SCN9A: variants seen among roughly 807,000 people sequenced by gnomAD.
SCN9A encodes the protein sodium voltage-gated channel alpha subunit 9, also known as sodium channel protein type 9 subunit alpha.
Under a neutral mutation model 187.0 loss-of-function variants are expected in SCN9A, and 131 were observed. That is an observed-to-expected ratio of 0.70 (90% CI 0.61 to 0.81). The LOEUF (loss-of-function observed/expected upper bound fraction) is 0.81. Ranked by LOEUF, SCN9A falls within the 30% of genes least tolerant of loss-of-function variation. The pLI is 0.00. For missense variants in SCN9A, 2,252 were observed against 2,396.6 expected, an observed-to-expected ratio of 0.94 and a Z score of 1.26; for synonymous variants, 809 against 808.6, an observed-to-expected ratio of 1.00 and a Z score of -0.01.
At chr2:166,305,006 A>T (rs938298108) in intron 5 of SCN9A, among the ~76,000 whole-genome samples, 21 of 152,098 alleles carry the variant, frequency 1.4e-4, no homozygotes, top group Non-Finnish European at 2.8e-4. Context: ...TAGCAGATGG[A>T]ACTGCCCCAT....
intron 1 of SCN9A, among the ~76,000 whole-genome samples, chr2:166,325,185 C>T (rs1428565835): frequency 3.3e-5 from 5 of 151,940 alleles, no homozygotes; most frequent in Admixed American, 3.3e-4. Flanking sequence ...AATAATAGCT[C>T]AGTGAATTTG....
rs529022680 is a variant in SCN9A, at chr2:166,277,228, C to A, written c.2629G>T (p.Val877Phe). 1 of 1,614,024 alleles carries A rather than the reference C, an allele frequency of 6.2e-7. No individual in the cohort carries two copies. Among genetic ancestry groups the A allele is most frequent in the South Asian group, 1.1e-5 (1 of 91,086 alleles). The change falls in exon 16 of 27, where the codon GTC (valine) becomes TTC (phenylalanine). Residue 877 changes from valine (V) to phenylalanine (F), a missense_variant. This residue lies in a region of SCN9A where 119 missense variants were observed against 188.7 expected (regional missense o/e 0.63). Coordinates refer to ENST00000642356, the MANE Select transcript of SCN9A (RefSeq NM_001365536.1). ...ATGCCGACCACAGCAAAAATGAAGA[C>A]GATGATGGCCAACACTAAGGTGAGG... Reference protein sequence around the residue: ...GNLTLVLAIIVFIFAVVGMQL... With the variant: ...GNLTLVLAIIFFIFAVVGMQL...
chr2:166,352,132 A>G (rs1319018921), intron 1 of SCN9A, among the ~76,000 whole-genome samples: 1 of 152,274 alleles, frequency 6.6e-6, no homozygotes, highest in East Asian at 1.9e-4. Context: ...TAAAGTTGGT[A>G]TATTGGTAAG....
chr2:166,309,390 A>C (rs527824027), intron 2 of SCN9A, among the ~76,000 whole-genome samples: 1 of 152,312 alleles, frequency 6.6e-6, no homozygotes, highest in South Asian at 2.1e-4. Context: ...AAAAATAGGT[A>C]TGATTATAAA....
intron 25 of SCN9A, 37 bp downstream of exon 25, chr2:166,204,323 G>T (rs1693687327): frequency 1.9e-6 from 3 of 1,564,690 alleles, no homozygotes; most frequent in Non-Finnish European, 2.6e-6. Context: ...GAAATAATTT[G>T]AAAATCTATA....
rs374594002 is a variant in SCN9A at position 166,305,806 on chromosome 2, G to T, written c.582C>A (p.Val194=). ...AAAGTACTTACGCAAAAACAATGAC[G>T]ACAAAATCCAGCCAGTTCCACGGGT... ...LRDPWNWLDF[V]VIVFAYLTEF... is the part of the protein sequence containing the mutation. Residue 194 remains valine, a synonymous_variant, in exon 5 of 27, where the codon GTC becomes GTA. Transcript: ENST00000642356. The T allele has an allele frequency of 6.2e-7, 1 of 1,612,946 alleles. No homozygotes were observed. Among genetic ancestry groups the T allele is most frequent in the Admixed American group, 1.7e-5 (1 of 59,880 alleles).
intron 1 of SCN9A, among the ~76,000 whole-genome samples, chr2:166,348,815 A>C (rs1347570800): frequency 3.3e-5 from 5 of 152,076 alleles, no homozygotes; most frequent in African/African-American, 1.2e-4. Flanking sequence ...TTAAACCTAC[A>C]ACTACTTTTC....
intron 13 of SCN9A, among the ~76,000 whole-genome samples, chr2:166,281,232 G>T (rs1306528429): frequency 2.0e-5 from 3 of 152,094 alleles, no homozygotes; most frequent in Non-Finnish European, 2.9e-5. Flanking sequence ...GTAGAAGCCA[G>T]CACAGTTTGT....
At position 166,373,690 on chromosome 2, in the gene SCN9A, A is replaced by G. The variant is rs958227368; in HGVS notation, c.-51+2007T>C. ...TATTCAGATAATGAAGATGGGAGGA[A>G]AGAATCTGAGACAGAGTTTTAGGGA... On this transcript the variant is annotated intron_variant, in intron 1 of 26. Transcript: ENST00000642356. 2.0e-5 allele frequency among the ~76,000 whole-genome samples: 3 copies of G among 152,120 alleles called. 1 individual carries two copies. The highest frequency in any genetic ancestry group is 7.2e-5 in the African/African-American group (3 of 41,440).
chr2:166,303,218 A>C lies in SCN9A; in HGVS notation c.773T>G (p.Val258Gly), dbSNP rs757286231. 5 of 1,613,638 alleles carry C rather than the reference A, an allele frequency of 3.1e-6. No individual in the cohort carries two copies. The highest frequency in any genetic ancestry group is 1.3e-5 in the African/African-American group (1 of 74,904). Residue 258 changes from valine to glycine, a missense_variant, in exon 7 of 27, where the codon GTG becomes GGG. By Grantham distance (109) the Val-to-Gly change is moderately radical. Around this residue, in one of 7 missense-constraint regions of SCN9A, gnomAD observed 1,013 missense variants for 997.4 expected, o/e 1.02. Transcript: ENST00000642356. ...CAGCTGTAGTCCAATTAGTGCAAAC[A>C]CACTCAGACAGAACACAGTCAGGAT... is the stretch of plus-strand genomic sequence containing the variant. ...VMILTVFCLS[V>G]FALIGLQLFM...
intron 1 of SCN9A, among the ~76,000 whole-genome samples, chr2:166,331,995 T>C (rs1699515850): frequency 1.3e-5 from 2 of 152,284 alleles, no homozygotes; most frequent in South Asian, 4.1e-4. Context: ...TTCAGAGCCT[T>C]GACACCTGCC....
chr2:166,210,451 A>AAAGT (rs1213656685), intron 24 of SCN9A, among the ~76,000 whole-genome samples: 5 of 151,628 alleles, frequency 3.3e-5, no homozygotes, highest in African/African-American at 1.2e-4. Context: ...CCTAAAACTT[A>AAAGT]AAGTATAATA....
intron 19 of SCN9A, among the ~76,000 whole-genome samples, chr2:166,239,451 T>TA (rs1695470969): frequency 6.6e-6 from 1 of 152,166 alleles, no homozygotes; most frequent in Non-Finnish European, 1.5e-5. Flanking sequence ...CTGCTTTCAA[T>TA]ACTCTAAAAT....
At chr2:166,343,620 C>T (rs1019671826) in intron 1 of SCN9A, among the ~76,000 whole-genome samples, 4 of 151,884 alleles carry the variant, frequency 2.6e-5, no homozygotes, top group African/African-American at 9.7e-5. Context: ...AGTGGAAGGC[C>T]AGGTGTGATG....
In SCN9A at chr2:166,280,515, A is replaced by G. The variant is rs749350764; in HGVS notation, c.2185T>C (p.Tyr729His). 2.5e-6 allele frequency: 4 copies of G among 1,590,462 alleles called. No homozygotes were observed. In the East Asian group the frequency reaches 6.8e-5, roughly 27 times the overall value. The part of the protein sequence containing the change: ...HKFLIWNCSP[Y>H]WIKFKKCIYF... ...ATACACTTTTTGAATTTTATCCAAT[A>G]TGGAGAGCAATTCCAGATCAAGAAT... The change falls in exon 14 of 27, where the codon TAT becomes CAT. Residue 729 changes from tyrosine (Y) to histidine (H), a missense_variant. Physicochemically the swap from Tyr to His is moderately conservative, Grantham distance 83 (BLOSUM62 2). This residue lies in a region of SCN9A where 1,013 missense variants were observed against 997.4 expected (regional missense o/e 1.02). Coordinates refer to ENST00000642356, the MANE Select transcript of SCN9A (RefSeq NM_001365536.1).
intron 1 of SCN9A, among the ~76,000 whole-genome samples, chr2:166,359,933 G>GA (rs1164545151): frequency 6.6e-6 from 1 of 151,490 alleles, no homozygotes; most frequent in African/African-American, 2.4e-5. Context: ...TATAAGAAAT[G>GA]AAAGTTTGCC....
intron 9 of SCN9A, among the ~76,000 whole-genome samples, chr2:166,289,427 T>G (rs1697938079): frequency 6.6e-6 from 1 of 151,998 alleles, no homozygotes; most frequent in Non-Finnish European, 1.5e-5. Context: ...AGTGAGAACA[T>G]GCGTTGTTTG....
intron 24 of SCN9A, among the ~76,000 whole-genome samples, chr2:166,205,992 A>G (rs1227270956): frequency 1.3e-5 from 2 of 152,216 alleles, no homozygotes; most frequent in Non-Finnish European, 2.9e-5. Flanking sequence ...TAGAATGGCA[A>G]TCACTAAAAA....
Position 166,198,745 on chromosome 2 carries a change from T to C in SCN9A, c.5894A>G (p.Asp1965Gly). The C allele has an allele frequency of 1.2e-6, 2 of 1,613,574 alleles. No homozygotes were observed. The highest frequency in any genetic ancestry group is 8.5e-7 in the Non-Finnish European group (1 of 1,179,664). Reference protein sequence around the residue: ...PPSYDSVTKPDKEKYEQDRTE... With the variant: ...PPSYDSVTKPGKEKYEQDRTE... ...TCTGTCTTGTTCATATTTCTCTTTG[T>C]CTGGCTTTGTTACACTATCATATGA... The change falls in exon 27 of 27, where the codon GAC becomes GGC. Residue 1965 changes from aspartate (D) to glycine (G), a missense_variant. Asp to Gly is a moderately conservative substitution (Grantham distance 94). Transcript: ENST00000642356.
Sources: allele counts gnomAD v4.1 joint callset (sites outside exome capture counted in the v4.1 genomes callset), GRCh38; gene constraint gnomAD v4.1.1; regional missense constraint gnomAD v4.1.1; transcripts MANE v1.5; gene names NCBI Gene and HGNC (gene_info 2026-07-23, HGNC 2026-07-21).